The following MSANTD1 variants were observed in gnomAD, a reference collection of about 807,000 sequenced individuals.
The protein encoded by MSANTD1 is myb/SANT-like DNA-binding domain-containing protein 1.
A neutral mutation model predicts 24.2 loss-of-function variants in MSANTD1; 7 were observed. That is an observed-to-expected ratio of 0.29 (90% CI 0.16 to 0.54). MSANTD1 has a LOEUF of 0.54. Among genes scored for constraint, MSANTD1 ranks in the 20% least tolerant of loss-of-function variants. The pLI, the probability that MSANTD1 is intolerant of heterozygous loss-of-function variation, is 0.94. For missense variants in MSANTD1, 384 were observed against 408.2 expected (o/e 0.94, Z 0.51); for synonymous variants, 177 against 181.1 (o/e 0.98, Z 0.18).
chr4:3,245,311 C>T (rs1176869613), upstream of MSANTD1: 1 of 152,620 alleles, frequency 6.6e-6, no homozygotes, highest in Non-Finnish European at 1.5e-5. Flanking sequence ...TGCCCTGTGC[C>T]TTCGGTGGTA....
At chr4:3,252,093 C>T (rs1325920101) in intron 1 of MSANTD1, among the ~76,000 whole-genome samples, 1 of 152,240 alleles carries the variant, frequency 6.6e-6, no homozygotes, top group Non-Finnish European at 1.5e-5. Flanking sequence ...AGGAGACACC[C>T]ACTCCGAGCA....
At chr4:3,250,836 G>T (rs970239941) in intron 1 of MSANTD1, among the ~76,000 whole-genome samples, 1 of 152,232 alleles carries the variant, frequency 6.6e-6, no homozygotes, top group African/African-American at 2.4e-5. Context: ...GCGAGGAGCC[G>T]GCCTCCAGCA....
chr4:3,246,238 C>T (rs546596675), upstream of MSANTD1, among the ~76,000 whole-genome samples: 2 of 152,314 alleles, frequency 1.3e-5, no homozygotes, highest in East Asian at 3.9e-4. Context: ...GCCCTGAACT[C>T]CTCAGCTGCC....
At chr4:3,249,659 C>T (rs1255907685) in intron 1 of MSANTD1, 117 bp downstream of exon 1, 8 of 1,051,042 alleles carry the variant, frequency 7.6e-6, no homozygotes, top group East Asian at 2.6e-5. Flanking sequence ...GCCTGCCTGT[C>T]GGTCTCCTCT....
At chr4:3,245,725 G>A (rs138811168), upstream of MSANTD1, among the ~76,000 whole-genome samples, 15 of 152,342 alleles carry the variant, frequency 9.8e-5, no homozygotes, top group Admixed American at 5.9e-4. Flanking sequence ...TGCAGCCCCA[G>A]CAGCCTGGCT....
chr4:3,248,547 A>G (rs1722108349), upstream of MSANTD1: 1 of 152,386 alleles, frequency 6.6e-6, no homozygotes, highest in South Asian at 2.1e-4. Context: ...ACCTCTGGGC[A>G]GGGCCTGGCT....
At chr4:3,246,842 C>T (rs1722045109), upstream of MSANTD1, among the ~76,000 whole-genome samples, 1 of 152,204 alleles carries the variant, frequency 6.6e-6, no homozygotes, top group Non-Finnish European at 1.5e-5. Context: ...CAGGGCCTCC[C>T]ATGTGCACTG....
At chr4:3,249,153 C>A, upstream of MSANTD1, 1 of 1,283,012 alleles carries the variant, frequency 7.8e-7, no homozygotes, top group South Asian at 2.3e-5. Flanking sequence ...TAAATTCCTG[C>A]CTGTCAGATG....
In MSANTD1 at chr4:3,253,223, A is replaced by G; in HGVS notation, c.337A>G (p.Thr113Ala). ...TFQYRKLKCM[T>A]DSESAPPDWP... ...TCGTTTCAGGAAATTAAAATGCATG[A>G]CAGATAGCGAGTCCGCCCCGCCCGA... Residue 113 changes from threonine to alanine, a missense_variant, in exon 2 of 3, where the codon ACA becomes GCA. Physicochemically the swap from Thr to Ala is moderately conservative, Grantham distance 58. Transcript: ENST00000438480. The G allele has an allele frequency of 6.4e-7, 1 of 1,563,012 alleles. No individual in the cohort carries two copies. Among genetic ancestry groups the G allele is most frequent in the Non-Finnish European group, 8.7e-7 (1 of 1,149,236 alleles).
chr4:3,244,589 T>C (rs1052186897), upstream of MSANTD1: 1 of 152,268 alleles, frequency 6.6e-6, no homozygotes, highest in African/African-American at 2.4e-5. Context: ...AAGCCTCTGC[T>C]CAGCCCAGCG....
chr4:3,249,591 G>T, intron 1 of MSANTD1, 49 bp downstream of exon 1: 1 of 1,512,638 alleles, frequency 6.6e-7, no homozygotes, highest in African/African-American at 1.4e-5. Flanking sequence ...GGGCCCGGGC[G>T]TGGCGGGCCG....
chr4:3,251,774 A>G (rs1301815497), intron 1 of MSANTD1, among the ~76,000 whole-genome samples: 1 of 144,774 alleles, frequency 6.9e-6, no homozygotes, highest in East Asian at 2.0e-4. Context: ...GGTTCTGTGG[A>G]GCATGGTTTG....
intron 1 of MSANTD1, among the ~76,000 whole-genome samples, chr4:3,252,252 C>T (rs1722251084): frequency 6.6e-6 from 1 of 152,258 alleles, no homozygotes; most frequent in South Asian, 2.1e-4. Flanking sequence ...CTGGCCTGGC[C>T]AGAGCTGTCT....
chr4:3,254,485 G>A (rs537109855), intron 2 of MSANTD1, among the ~76,000 whole-genome samples: 10 of 152,338 alleles, frequency 6.6e-5, no homozygotes, highest in Admixed American at 3.9e-4. Flanking sequence ...GGACTGGGGC[G>A]TGGGGGCTGC....
At chr4:3,246,631 A>G, upstream of MSANTD1, 1 of 695,694 alleles carries the variant, frequency 1.4e-6, no homozygotes, top group Non-Finnish European at 2.6e-6. Context: ...GAGACCCCGT[A>G]GCGACTGAGG....
chr4:3,254,586 C>G (rs968229676), intron 2 of MSANTD1, among the ~76,000 whole-genome samples: 1 of 152,228 alleles, frequency 6.6e-6, no homozygotes, highest in African/African-American at 2.4e-5. Context: ...CAGGGATGAG[C>G]AGGCACTGGA....
chr4:3,249,580 CG>C (rs1560616103), intron 1 of MSANTD1, 38 bp downstream of exon 1: 2 of 1,559,188 alleles, frequency 1.3e-6, no homozygotes, highest in Non-Finnish European at 1.7e-6. Flanking sequence ...CCAGGACGGG[CG>C]GGCCCGGGCG....
chr4:3,246,963 C>G (rs1168975038), upstream of MSANTD1, among the ~76,000 whole-genome samples: 4 of 152,246 alleles, frequency 2.6e-5, no homozygotes, highest in Middle Eastern at 3.4e-3. Flanking sequence ...CTCCCTGCGC[C>G]CACTGGAACT....
In MSANTD1 at chr4:3,253,361, T is replaced by C. The variant is rs988604880; in HGVS notation, c.475T>C (p.Ser159Pro). The part of the protein sequence containing the change: ...PGPSTSQTEA[S>P]LSPPAKSTPL... Reference sequence around the variant, plus strand: ...GCCCTCCACGTCCCAGACCGAGGCGTCCCTGTCGCCGCCCGCTAAGTCCAC... The same window carrying C: ...GCCCTCCACGTCCCAGACCGAGGCGCCCCTGTCGCCGCCCGCTAAGTCCAC... The change falls in exon 2 of 3, where the codon TCC becomes CCC. Residue 159 changes from serine to proline, a missense_variant. Ser to Pro is a moderately conservative substitution (Grantham distance 74). Transcript: ENST00000438480. 4.3e-6 allele frequency: 7 copies of C among 1,611,040 alleles called. No homozygotes were observed. In the Admixed American group the frequency reaches 6.7e-5, roughly 15 times the overall value.
Sources: gnomAD v4.1 joint callset for allele counts (sites outside exome capture counted in the v4.1 genomes callset) on GRCh38, gnomAD v4.1.1 for gene constraint, MANE v1.5 for transcripts, NCBI Gene and HGNC (gene_info 2026-07-23, HGNC 2026-07-21) for gene names.